Variants in EPHX1 observed in about 807,000 individuals in gnomAD.
EPHX1 encodes the protein epoxide hydratase.
Under a neutral mutation model 43.2 loss-of-function variants are expected in EPHX1, and 40 were observed. That is an observed-to-expected ratio of 0.93 (90% CI 0.72 to 1.21). The LOEUF is 1.21. Ranked by LOEUF, EPHX1 falls within the 50% of genes most tolerant of loss-of-function variation. The pLI is 0.00. For missense variants in EPHX1, 550 were observed against 570.4 expected, an observed-to-expected ratio of 0.96 and a Z score of 0.36; for synonymous variants, 221 against 226.7, an observed-to-expected ratio of 0.98 and a Z score of 0.22.
intron 1 of EPHX1, among the ~76,000 whole-genome samples, chr1:225,826,719 C>T (rs535369658): frequency 4.7e-4 from 71 of 152,230 alleles, no homozygotes; most frequent in African/African-American, 1.6e-3. Flanking sequence ...ATGCTGGTGA[C>T]TATGAGAGAA....
chr1:225,816,246 T>A (rs1008065598), intron 1 of EPHX1, among the ~76,000 whole-genome samples: 3 of 152,152 alleles, frequency 2.0e-5, no homozygotes, highest in Admixed American at 2.0e-4. Flanking sequence ...TGAGCTGAGA[T>A]TGCACCATTG....
At position 225,831,844 on chromosome 1, in the gene EPHX1, T is replaced by G. The variant is rs768876566; in HGVS notation, c.249T>G (p.Tyr83Ter). The G allele has an allele frequency of 8.1e-6, 13 of 1,614,210 alleles. No homozygotes were observed. Among genetic ancestry groups the G allele is most frequent in the Non-Finnish European group, 1.1e-5 (13 of 1,180,030 alleles). Residue 83 changes from tyrosine (Y) to a stop codon, truncating the protein, a stop_gained, in exon 3 of 9, where the codon TAT becomes TAG. Transcript: ENST00000272167. LOFTEE classifies it high-confidence loss of function. ...TPPLEDSCFH[Y>*]GFNSNYLKKV... ...CTTTGGAGGACAGCTGCTTCCACTA[T>G]GGCTTCAACTCCAACTACCTGAAGA...
At position 225,832,953 on chromosome 1, in the gene EPHX1, A is replaced by T. The variant is rs189467940; in HGVS notation, c.364+994A>T. Among the ~76,000 whole-genome samples the T allele has an allele frequency of 2.7e-3, 413 of 152,242 alleles. 1 individual carries two copies. Among genetic ancestry groups the T allele is most frequent in the Non-Finnish European group, 3.6e-3 (246 of 68,010 alleles). On this transcript the variant is annotated intron_variant, in intron 3 of 8. Coordinates refer to ENST00000272167, the MANE Select transcript of EPHX1 (RefSeq NM_001136018.4). ...CTGAATAAAATCTCTTATATTTGCAAATGTTTTCTCCCACTCTGTGGGTTG... is the reference window on the plus strand; with the variant it reads ...CTGAATAAAATCTCTTATATTTGCATATGTTTTCTCCCACTCTGTGGGTTG...
At position 225,831,958 on chromosome 1, in the gene EPHX1, AGG is replaced by A; in HGVS notation, c.364_364+1del. ...ACCCTCACTTCAAGACTAAGATTGA[AGG>A]TATGTTTGCAAAACGCCAGCCAGAG... On this transcript the variant is annotated splice_donor_variant and coding_sequence_variant, in exon 3 of 9. Coordinates refer to ENST00000272167, the MANE Select transcript of EPHX1 (RefSeq NM_001136018.4). LOFTEE classifies it high-confidence loss of function. 6.2e-7 allele frequency: 1 copy of A among 1,614,074 alleles called. No individual in the cohort carries two copies. The highest frequency in any genetic ancestry group is 8.5e-7 in the Non-Finnish European group (1 of 1,180,008).
chr1:225,841,695 G>A (rs375196670), intron 6 of EPHX1, among the ~76,000 whole-genome samples: 2 of 138,134 alleles, frequency 1.4e-5, no homozygotes, highest in African/African-American at 2.7e-5. Context: ...TCCACCTCCC[G>A]GGTTCAAGCA....
At chr1:225,810,794 G>A (rs1666445687) in intron 1 of EPHX1, among the ~76,000 whole-genome samples, 2 of 151,896 alleles carry the variant, frequency 1.3e-5, no homozygotes. Context: ...CTCAGTAGGG[G>A]AGCTTTTGAG....
intron 3 of EPHX1, among the ~76,000 whole-genome samples, chr1:225,835,431 C>T (rs1667903596): frequency 6.7e-6 from 1 of 148,356 alleles, no homozygotes; most frequent in African/African-American, 2.5e-5. Flanking sequence ...GCTCTGTCAC[C>T]CAGGCTGGAG....
At chr1:225,819,631 G>GT (rs571198030) in intron 1 of EPHX1, among the ~76,000 whole-genome samples, 2 of 152,164 alleles carry the variant, frequency 1.3e-5, no homozygotes, top group Non-Finnish European at 2.9e-5. Flanking sequence ...CGTTGCCTGG[G>GT]TTTTTGGCTT....
rs1416650984 is a variant in EPHX1 at position 225,838,939 on chromosome 1, G to A, written c.592+58G>A. 8 of 1,566,456 alleles carry A rather than the reference G, an allele frequency of 5.1e-6. No homozygotes were observed. In the African/African-American group the frequency reaches 1.1e-4, roughly 21 times the overall value. Reference sequence around the variant, plus strand: ...CGTCCTCGCCAAGGGTGGGCCCGGTGTTCCCACCAGGCTCTCCTTCCGGCG... The same window carrying A: ...CGTCCTCGCCAAGGGTGGGCCCGGTATTCCCACCAGGCTCTCCTTCCGGCG... On this transcript the variant is annotated intron_variant, in intron 4 of 8. Transcript: ENST00000272167.
intron 8 of EPHX1, 51 bp downstream of exon 8, chr1:225,844,674 G>C: frequency 6.2e-7 from 1 of 1,609,882 alleles, no homozygotes; most frequent in Non-Finnish European, 8.5e-7. Context: ...GAGGCAGGGG[G>C]ACGGCCAGTC....
At chr1:225,818,926 T>TAA (rs546153231) in intron 1 of EPHX1, among the ~76,000 whole-genome samples, 11,495 of 95,450 alleles carry the variant, frequency 0.12, 860 homozygotes, top group East Asian at 0.21. Context: ...CTGTCTCCAT[T>TAA]AAAAAAAAAA....
chr1:225,840,994 T>C (rs192485055), intron 6 of EPHX1: 84 of 152,336 alleles, frequency 5.5e-4, no homozygotes, highest in African/African-American at 1.9e-3. Flanking sequence ...GACAATCTCA[T>C]ATAACCTCTT....
At chr1:225,820,126 C>G (rs941734363) in intron 1 of EPHX1, among the ~76,000 whole-genome samples, 1 of 152,124 alleles carries the variant, frequency 6.6e-6, no homozygotes, top group Non-Finnish European at 1.5e-5. Flanking sequence ...GAGACAGAGT[C>G]TTGCTGTGTT....
chr1:225,830,510 G>T lies in EPHX1; in HGVS notation c.184-1269G>T, dbSNP rs889254880. 3.3e-5 allele frequency among the ~76,000 whole-genome samples: 5 copies of T among 152,286 alleles called. No individual in the cohort carries two copies. The South Asian group carries it at 1.0e-3, about 32-fold the overall frequency. On this transcript the variant is annotated intron_variant, in intron 2 of 8. Transcript: ENST00000272167. The stretch of plus-strand genomic sequence containing the variant: ...AGACAGGGTCTTGCTCTGTCACCAG[G>T]CTGGGGTGCAGTGGTGCGATCTTGG...
At chr1:225,843,469 CTG>C (rs1668609729) in intron 7 of EPHX1, among the ~76,000 whole-genome samples, 1 of 152,212 alleles carries the variant, frequency 6.6e-6, no homozygotes, top group Non-Finnish European at 1.5e-5. Context: ...GGGCCTTCGT[CTG>C]GGATCTGTTT....
intron 8 of EPHX1, among the ~76,000 whole-genome samples, chr1:225,844,826 C>T (rs572990901): frequency 6.6e-6 from 1 of 152,260 alleles, no homozygotes; most frequent in Non-Finnish European, 1.5e-5. Context: ...GGCTCCCGGG[C>T]GGCCCTCAGT....
chr1:225,823,844 T>C (rs1667098798), intron 1 of EPHX1, among the ~76,000 whole-genome samples: 1 of 151,510 alleles, frequency 6.6e-6, no homozygotes, highest in African/African-American at 2.4e-5. Context: ...ACAGAGGGAG[T>C]CTCCACGGCT....
At chr1:225,827,753 C>T (rs1459045478) in intron 1 of EPHX1, among the ~76,000 whole-genome samples, 1 of 152,198 alleles carries the variant, frequency 6.6e-6, no homozygotes, top group African/African-American at 2.4e-5. Context: ...ATCCTAGAAA[C>T]CACTGGAGGG....
At chr1:225,831,305 T>C (rs1160447247) in intron 2 of EPHX1, among the ~76,000 whole-genome samples, 1 of 152,148 alleles carries the variant, frequency 6.6e-6, no homozygotes, top group Non-Finnish European at 1.5e-5. Context: ...TCCCACCACT[T>C]TGGGAGGCCA....
Sources: allele counts gnomAD v4.1 joint callset (sites outside exome capture counted in the v4.1 genomes callset), GRCh38; gene constraint gnomAD v4.1.1; transcripts MANE v1.5; gene names NCBI Gene and HGNC (gene_info 2026-07-23, HGNC 2026-07-21).